Variants in SYNJ1 observed in about 807,000 individuals in gnomAD.
SYNJ1 encodes polyphosphatidylinositol phosphatase SYNJ1.
A neutral mutation model predicts 168.2 loss-of-function variants in SYNJ1; 78 were observed. That is an observed-to-expected ratio of 0.46 (90% CI 0.39 to 0.56). SYNJ1 has a LOEUF of 0.56. Ranked by LOEUF, SYNJ1 falls within the 20% of genes least tolerant of loss-of-function variation. SYNJ1 has a pLI of 0.00. For missense variants in SYNJ1, 1,303 were observed against 1,597.6 expected, an observed-to-expected ratio of 0.82 and a Z score of 3.14; for synonymous variants, 539 against 548.6, an observed-to-expected ratio of 0.98 and a Z score of 0.24.
At chr21:32,682,812 T>A (rs2041675431) in intron 10 of SYNJ1, among the ~76,000 whole-genome samples, 1 of 152,146 alleles carries the variant, frequency 6.6e-6, no homozygotes, top group South Asian at 2.1e-4. Context: ...AATAAGCTTA[T>A]TATCAGAATC....
intron 31 of SYNJ1, among the ~76,000 whole-genome samples, chr21:32,638,136 A>G (rs1037888704): frequency 4.6e-5 from 7 of 152,154 alleles, no homozygotes; most frequent in African/African-American, 1.7e-4. Context: ...TGGAGCGATC[A>G]TGGCTCACTG....
chr21:32,657,060 CACGTG>C lies in SYNJ1; in HGVS notation c.2517_2521del (p.Tyr839Ter). On this transcript the variant is annotated stop_gained and frameshift_variant, in exon 20 of 33. Coordinates refer to ENST00000674351, the MANE Select transcript of SYNJ1 (RefSeq NM_203446.3). LOFTEE classifies it high-confidence loss of function. ...ATAGTGCAGCAAAGTGCCTGGAGTCCACGTGTACAGAATTTTGCTTTCATCTTGAA... is the reference window on the plus strand; with the variant it reads ...ATAGTGCAGCAAAGTGCCTGGAGTCCTACAGAATTTTGCTTTCATCTTGAA... 1 of 1,614,132 alleles carries C rather than the reference CACGTG, an allele frequency of 6.2e-7. No individual in the cohort carries two copies. The highest frequency in any genetic ancestry group is 8.5e-7 in the Non-Finnish European group (1 of 1,180,034).
chr21:32,633,148 GA>G (rs542331958), intron 32 of SYNJ1, among the ~76,000 whole-genome samples: 30 of 152,110 alleles, frequency 2.0e-4, no homozygotes, highest in African/African-American at 7.0e-4. Flanking sequence ...AAAACCAGAG[GA>G]AAAAAAGTTC....
chr21:32,671,182 T>TG (rs2041172844), intron 14 of SYNJ1, among the ~76,000 whole-genome samples: 1 of 151,998 alleles, frequency 6.6e-6, no homozygotes, highest in African/African-American at 2.4e-5. Flanking sequence ...CTTAGCATGG[T>TG]GGCATGCCTA....
intron 29 of SYNJ1, among the ~76,000 whole-genome samples, chr21:32,640,444 C>T (rs1201091289): frequency 6.6e-6 from 1 of 151,668 alleles, no homozygotes; most frequent in Non-Finnish European, 1.5e-5. Flanking sequence ...TACAGGCGCC[C>T]GCCACCACAC....
chr21:32,688,969 T>C (rs767720452), intron 6 of SYNJ1, among the ~76,000 whole-genome samples: 1 of 152,230 alleles, frequency 6.6e-6, no homozygotes, highest in Non-Finnish European at 1.5e-5. Flanking sequence ...CAAGTCAACC[T>C]TGCCATCACC....
chr21:32,668,384 A>G (rs2145942847), intron 15 of SYNJ1, among the ~76,000 whole-genome samples: 1 of 152,224 alleles, frequency 6.6e-6, no homozygotes, highest in Middle Eastern at 3.4e-3. Flanking sequence ...ATTTGATTAA[A>G]CCTAGCCTAA....
In SYNJ1 at chr21:32,685,561, T is replaced by C. The variant is rs544358571; in HGVS notation, c.1118+187A>G. On this transcript the variant is annotated intron_variant, in intron 9 of 32. Coordinates refer to ENST00000674351, the MANE Select transcript of SYNJ1 (RefSeq NM_203446.3). ...CTGCAGGGAGCTGAGACTGCACCAC[T>C]GCACACCAGCCTGGGCAACAAAGTG... Among the ~76,000 whole-genome samples the C allele has an allele frequency of 5.4e-4, 82 of 151,874 alleles. 1 individual carries two copies. In the Middle Eastern group the frequency reaches 0.017, roughly 32 times the overall value.
chr21:32,631,331 C>T lies in SYNJ1; in HGVS notation c.*474G>A, dbSNP rs767728958. On this transcript the variant is annotated 3_prime_UTR_variant, in exon 33 of 33. Transcript: ENST00000674351. The stretch of plus-strand genomic sequence containing the variant: ...ACTGGCCCTGTAGATCAAAACTGTC[C>T]TTAAAGCCATCAAGTGAAGATGAAG... 1 of 1,614,100 alleles carries T rather than the reference C, an allele frequency of 6.2e-7. No homozygotes were observed. The highest frequency in any genetic ancestry group is 1.7e-5 in the Admixed American group (1 of 60,018).
chr21:32,699,351 C>T (rs28585057), intron 4 of SYNJ1, among the ~76,000 whole-genome samples: 15 of 152,274 alleles, frequency 9.9e-5, no homozygotes, highest in South Asian at 2.1e-4. Flanking sequence ...TGCACATGCA[C>T]GGGAACCAGT....
At chr21:32,670,661 C>A in intron 14 of SYNJ1, 1 of 552,444 alleles carries the variant, frequency 1.8e-6, no homozygotes, top group Non-Finnish European at 2.3e-6. Context: ...AGGGACAGCA[C>A]AGAAACAAAT....
intron 2 of SYNJ1, among the ~76,000 whole-genome samples, chr21:32,716,813 CTGTG>C (rs2043039612): frequency 6.6e-6 from 1 of 152,130 alleles, no homozygotes; most frequent in South Asian, 2.1e-4. Context: ...CACTGATGCT[CTGTG>C]TATTTATTTA....
rs772148306 is a variant in SYNJ1 at position 32,638,951 on chromosome 21, C to G, written c.3872G>C (p.Arg1291Thr). 4 of 1,613,424 alleles carry G rather than the reference C, an allele frequency of 2.5e-6. No homozygotes were observed. Among genetic ancestry groups the G allele is most frequent in the Non-Finnish European group, 3.4e-6 (4 of 1,179,564 alleles). Reference protein sequence around the residue: ...ETPPQPPPRSRSSHSLPSEAS... With the variant: ...ETPPQPPPRSTSSHSLPSEAS... ...TTCTGAAGGCAAGCTATGGGATGAC[C>G]TGCTTCGAGGTGGTGGTTGTGGTGG... The change falls in exon 31 of 33, where the codon AGG becomes ACG. Residue 1291 changes from arginine to threonine, a missense_variant. Coordinates refer to ENST00000674351, the MANE Select transcript of SYNJ1 (RefSeq NM_203446.3).
At chr21:32,676,620 G>A (rs886350420) in intron 12 of SYNJ1, among the ~76,000 whole-genome samples, 3 of 152,128 alleles carry the variant, frequency 2.0e-5, no homozygotes, top group African/African-American at 7.2e-5. Flanking sequence ...TGCGCTTCTG[G>A]CTGCTCCTGT....
intron 2 of SYNJ1, among the ~76,000 whole-genome samples, chr21:32,713,103 C>G (rs1294062979): frequency 6.6e-6 from 1 of 152,230 alleles, no homozygotes; most frequent in African/African-American, 2.4e-5. Context: ...AAACTACTGC[C>G]ACTTGCTACA....
intron 2 of SYNJ1, among the ~76,000 whole-genome samples, chr21:32,719,612 G>C (rs1306744837): frequency 6.6e-6 from 1 of 151,864 alleles, no homozygotes; most frequent in Non-Finnish European, 1.5e-5. Flanking sequence ...TACTTGAGAG[G>C]CTGAGGCAGG....
rs1329695974 is a variant in SYNJ1, at chr21:32,702,030, CCT to C, written c.140_141del (p.Glu47GlyfsTer25). ...ACTTTGGAGTATGTACCCTTGATTG[CCT>C]CTTTTTCTGCAGATGCTACAAAAAA... ...AVAVLSSAEK[E>X]AIKGTYSKVL... is the part of the protein sequence containing the mutation. On this transcript the variant is annotated frameshift_variant, in exon 3 of 33. Transcript: ENST00000674351. LOFTEE classifies it high-confidence loss of function. 1.3e-6 allele frequency: 2 copies of C among 1,554,632 alleles called. No homozygotes were observed. The highest frequency in any genetic ancestry group is 2.3e-5 in the East Asian group (1 of 44,050).
chr21:32,684,112 T>C lies in SYNJ1; in HGVS notation c.1126A>G (p.Ser376Gly), dbSNP rs1163151498. The C allele has an allele frequency of 1.2e-6, 2 of 1,613,386 alleles. No individual in the cohort carries two copies. Among genetic ancestry groups the C allele is most frequent in the Non-Finnish European group, 1.7e-6 (2 of 1,179,490 alleles). ...FNGSEVQRCQ[S>G]GTVRTNCLDC... ...AAGCAGTTTGTTCGAACTGTACCAC[T>C]CTGGCATCTGTAACCAATAAAGTTA... is the stretch of plus-strand genomic sequence containing the variant. Residue 376 changes from serine (S) to glycine (G), a missense_variant, in exon 10 of 33, where the codon AGT (serine) becomes GGT (glycine). Transcript: ENST00000674351.
intron 12 of SYNJ1, 119 bp from the exon 13 acceptor site, chr21:32,676,474 T>A (rs1476327300): frequency 1.1e-6 from 1 of 875,184 alleles, no homozygotes; most frequent in African/African-American, 1.7e-5. Flanking sequence ...TTGATGACTT[T>A]ATTTTTTTCT....
Sources: allele counts gnomAD v4.1 joint callset (sites outside exome capture counted in the v4.1 genomes callset), GRCh38; gene constraint gnomAD v4.1.1; transcripts MANE v1.5; gene names NCBI Gene and HGNC (gene_info 2026-07-23, HGNC 2026-07-21).